The following TRAF3 variants were observed in gnomAD, a reference collection of about 807,000 sequenced individuals.
The protein encoded by TRAF3 is TNF receptor associated factor 3, also known as TNF receptor-associated factor 3.
In TRAF3, 13 loss-of-function variants were observed where a neutral mutation model predicts 62.3. That is an observed-to-expected ratio of 0.21 (90% CI 0.14 to 0.33). TRAF3 has a LOEUF of 0.33. TRAF3 is among the 10% of genes least tolerant of loss of function. The probability of loss-of-function intolerance (pLI) is 1.00; values close to 1 mark genes in which losing one functional copy is unlikely to be tolerated. For synonymous variants in TRAF3, 269 were observed against 283.4 expected (o/e 0.95, Z 0.51); for missense variants, 440 against 741.8 (o/e 0.59, Z 4.73).
intron 1 of TRAF3, among the ~76,000 whole-genome samples, chr14:102,820,577 T>C (rs1346545371): frequency 1.7e-4 from 1 of 5,818 alleles, no homozygotes. Flanking sequence ...GACCAGCATA[T>C]ATATATATAT....
At chr14:102,875,562 A>G (rs1222809810) in intron 4 of TRAF3, 62 bp from the exon 5 acceptor site, 1 of 1,471,750 alleles carries the variant, frequency 6.8e-7, no homozygotes, top group Admixed American at 1.7e-5. Context: ...CCTTGTCCAA[A>G]GTAGCAGCAT....
intron 2 of TRAF3, among the ~76,000 whole-genome samples, chr14:102,847,737 A>G (rs944289046): frequency 2.0e-5 from 3 of 152,234 alleles, no homozygotes; most frequent in East Asian, 1.9e-4. Flanking sequence ...CTTGCATAAA[A>G]ATCAAGTAAT....
intron 1 of TRAF3, among the ~76,000 whole-genome samples, chr14:102,779,715 T>G (rs879710753): frequency 6.6e-6 from 1 of 152,232 alleles, no homozygotes; most frequent in Non-Finnish European, 1.5e-5. Flanking sequence ...AGCTGTACTT[T>G]AAGAAAGATA....
intron 1 of TRAF3, among the ~76,000 whole-genome samples, chr14:102,778,043 C>T (rs1192551909): frequency 2.0e-5 from 3 of 150,326 alleles, no homozygotes; most frequent in Admixed American, 1.3e-4. Context: ...CGCGGGGCCG[C>T]GGGTTTCACG....
intron 9 of TRAF3, among the ~76,000 whole-genome samples, chr14:102,892,514 A>G (rs1889779858): frequency 6.6e-6 from 1 of 152,234 alleles, no homozygotes; most frequent in African/African-American, 2.4e-5. Flanking sequence ...AAGAATGGAT[A>G]GAGAAGAAGT....
At chr14:102,853,836 C>T (rs1887197642) in intron 2 of TRAF3, among the ~76,000 whole-genome samples, 2 of 104,388 alleles carry the variant, frequency 1.9e-5, no homozygotes. Context: ...AAGACTCCGT[C>T]TAAAAAAAAA....
intron 1 of TRAF3, among the ~76,000 whole-genome samples, chr14:102,778,117 C>T (rs542342475): frequency 1.3e-3 from 195 of 150,668 alleles, no homozygotes; most frequent in Non-Finnish European, 2.4e-3. Flanking sequence ...CCGGGGGGGC[C>T]CGGGCGTTAT....
intron 1 of TRAF3, among the ~76,000 whole-genome samples, chr14:102,816,105 A>T (rs1057049959): frequency 1.4e-5 from 2 of 144,878 alleles, no homozygotes; most frequent in African/African-American, 2.5e-5. Flanking sequence ...TCTAAATTCT[A>T]TTTTTTTTTT....
rs1262701901 is a variant in TRAF3 at position 102,905,793 on chromosome 14, TG to T, written c.*13del. The T allele has an allele frequency of 6.2e-7, 1 of 1,611,792 alleles. No homozygotes were observed. The highest frequency in any genetic ancestry group is 2.2e-5 in the East Asian group (1 of 44,870). On this transcript the variant is annotated 3_prime_UTR_variant, in exon 12 of 12. Coordinates refer to ENST00000392745, the MANE Select transcript of TRAF3 (RefSeq NM_145725.3). ...ATCTGCCCGATCCCTGATAAGTAGC[TG>T]GGGAGGTGGATTTAGCAGAAGGCAA...
Position 102,906,535 on chromosome 14 carries a change from C to T in TRAF3, c.*751C>T, listed in dbSNP as rs751752848. 3 of 152,220 alleles carry T rather than the reference C, an allele frequency of 2.0e-5. No individual in the cohort carries two copies. Among genetic ancestry groups the T allele is most frequent in the East Asian group, 1.9e-4 (1 of 5,204 alleles). 9.4% of individuals were successfully genotyped at this position (152,220 alleles called of 1,614,324 possible). ...GAATATTCAACCTGTTGTTATTTCT[C>T]GTTAGAAATGTAAACCTTCAAATAT... is the stretch of plus-strand genomic sequence containing the variant. On this transcript the variant is annotated 3_prime_UTR_variant, in exon 12 of 12. Coordinates refer to ENST00000392745, the MANE Select transcript of TRAF3 (RefSeq NM_145725.3).
rs141853427 is a variant in TRAF3, at chr14:102,872,849, G to A, written c.297+881G>A. Among the ~76,000 whole-genome samples, 55 of 151,710 alleles carry A rather than the reference G, an allele frequency of 3.6e-4. No homozygotes were observed. The East Asian group carries it at 8.9e-3, about 25-fold the overall frequency. ...TGGGATTACAGGCACGAGCCACCAC[G>A]CCCAGCTAATTTTTGTATTTTTAGT... On this transcript the variant is annotated intron_variant, in intron 4 of 11. Coordinates refer to ENST00000392745, the MANE Select transcript of TRAF3 (RefSeq NM_145725.3).
intron 1 of TRAF3, among the ~76,000 whole-genome samples, chr14:102,791,030 T>C (rs1897764334): frequency 6.6e-6 from 1 of 150,934 alleles, no homozygotes; most frequent in Admixed American, 6.6e-5. Context: ...CTTTTTTTTT[T>C]TTTTTTCGAG....
chr14:102,790,646 G>A (rs549434732), intron 1 of TRAF3, among the ~76,000 whole-genome samples: 11 of 152,204 alleles, frequency 7.2e-5, no homozygotes, highest in African/African-American at 2.6e-4. Flanking sequence ...GCACCCCCAC[G>A]ATTCAGTTAC....
intron 1 of TRAF3, among the ~76,000 whole-genome samples, chr14:102,808,120 G>A (rs1426295842): frequency 6.6e-6 from 1 of 152,178 alleles, no homozygotes; most frequent in Non-Finnish European, 1.5e-5. Flanking sequence ...CAGGAAGTGG[G>A]AGGGGAGGGC....
intron 2 of TRAF3, among the ~76,000 whole-genome samples, chr14:102,864,102 T>A (rs1195202877): frequency 6.6e-6 from 1 of 152,166 alleles, no homozygotes; most frequent in Non-Finnish European, 1.5e-5. Context: ...TTAATTAGTT[T>A]TCCAAAGTTT....
rs548946057 is a variant in TRAF3 at position 102,825,634 on chromosome 14, G to C, written c.-156-4700G>C. Reference sequence around the variant, plus strand: ...CTTGGGCTTCTGGCCGTGTGGGTCAGCGTCACAGGACGGACAGATCAATGG... The same window carrying C: ...CTTGGGCTTCTGGCCGTGTGGGTCACCGTCACAGGACGGACAGATCAATGG... On this transcript the variant is annotated intron_variant, in intron 1 of 11. Coordinates refer to ENST00000392745, the MANE Select transcript of TRAF3 (RefSeq NM_145725.3). 1.6e-3 allele frequency among the ~76,000 whole-genome samples: 240 copies of C among 152,376 alleles called. 1 individual carries two copies. Among genetic ancestry groups the C allele is most frequent in the African/African-American group, 5.5e-3 (228 of 41,594 alleles).
intron 1 of TRAF3, among the ~76,000 whole-genome samples, chr14:102,802,030 AT>A (rs1240525217): frequency 1.3e-4 from 17 of 135,824 alleles, no homozygotes; most frequent in East Asian, 2.2e-4. Context: ...AAAAAAAAAA[AT>A]TTTTTTTTTT....
At chr14:102,825,567 C>G (rs1595334698) in intron 1 of TRAF3, among the ~76,000 whole-genome samples, 1 of 152,334 alleles carries the variant, frequency 6.6e-6, no homozygotes, top group East Asian at 1.9e-4. Context: ...TGGGACCTTC[C>G]CACTGCTCGA....
At chr14:102,813,100 C>A (rs560085900) in intron 1 of TRAF3, among the ~76,000 whole-genome samples, 1 of 151,968 alleles carries the variant, frequency 6.6e-6, no homozygotes, top group Non-Finnish European at 1.5e-5. Flanking sequence ...CTCAGCCTCC[C>A]GAGTAGCTGG....
Sources: gnomAD v4.1 joint callset for allele counts (sites outside exome capture counted in the v4.1 genomes callset) on GRCh38, gnomAD v4.1.1 for gene constraint, MANE v1.5 for transcripts, NCBI Gene and HGNC (gene_info 2026-07-23, HGNC 2026-07-21) for gene names.